The following SCML4 variants were observed in gnomAD, a reference collection of about 807,000 sequenced individuals.
SCML4 encodes the protein Scm polycomb group protein like 4.
In SCML4, 34 loss-of-function variants were observed where a neutral mutation model predicts 41.1. That is an observed-to-expected ratio of 0.83 (90% CI 0.63 to 1.10). The LOEUF (loss-of-function observed/expected upper bound fraction) is 1.10. Ranked by LOEUF, SCML4 falls within the 50% of genes least tolerant of loss-of-function variation. The pLI is 0.00. For synonymous variants in SCML4, 214 were observed against 220.9 expected, an observed-to-expected ratio of 0.97 and a Z score of 0.28; for missense variants, 522 against 534.1, an observed-to-expected ratio of 0.98 and a Z score of 0.22.
chr6:107,760,100 T>C (rs566423120), intron 2 of SCML4, among the ~76,000 whole-genome samples: 19 of 152,250 alleles, frequency 1.2e-4, no homozygotes, highest in African/African-American at 4.6e-4. Context: ...TTTGAACACA[T>C]TAAAGAATTT....
At chr6:107,756,049 C>T (rs1263255279) in intron 2 of SCML4, among the ~76,000 whole-genome samples, 1 of 152,026 alleles carries the variant, frequency 6.6e-6, no homozygotes, top group Non-Finnish European at 1.5e-5. Flanking sequence ...GTGGTTGACT[C>T]AGTAAATAAA....
At chr6:107,802,783 C>T (rs567859937) in intron 1 of SCML4, among the ~76,000 whole-genome samples, 5,380 of 149,600 alleles carry the variant, frequency 0.036, 146 homozygotes, top group South Asian at 0.057. Flanking sequence ...ACGGTCTCCC[C>T]CTGATGCCGA....
At chr6:107,782,508 G>A (rs891412434) in intron 1 of SCML4, among the ~76,000 whole-genome samples, 4 of 152,254 alleles carry the variant, frequency 2.6e-5, no homozygotes, top group South Asian at 2.1e-4. Flanking sequence ...TGTGGAGATT[G>A]CACGTGGGGC....
At chr6:107,826,892 T>A (rs1031074270), upstream of SCML4, among the ~76,000 whole-genome samples, 1 of 147,096 alleles carries the variant, frequency 6.8e-6, no homozygotes, top group Non-Finnish European at 1.5e-5. Flanking sequence ...TGAAACCCCG[T>A]CTCTACTAAA....
At chr6:107,730,473 C>T (rs1414355487) in intron 5 of SCML4, among the ~76,000 whole-genome samples, 1 of 152,236 alleles carries the variant, frequency 6.6e-6, no homozygotes, top group Non-Finnish European at 1.5e-5. Context: ...AGAATGCCAG[C>T]TTAACAAAGC....
chr6:107,758,922 G>T lies in SCML4; in HGVS notation c.157-9109C>A, dbSNP rs933126815. ...CTTGGATTTTATTCTATGAGTGATG[G>T]AAATAATTACAGGATTTTAAGCGGG... is the stretch of plus-strand genomic sequence containing the variant. On this transcript the variant is annotated intron_variant, in intron 2 of 7. Coordinates refer to ENST00000369020, the MANE Select transcript of SCML4 (RefSeq NM_198081.5). 7.0e-4 allele frequency among the ~76,000 whole-genome samples: 107 copies of T among 152,108 alleles called. 1 individual carries two copies. The highest frequency in any genetic ancestry group is 8.2e-4 in the Non-Finnish European group (56 of 68,018).
At chr6:107,751,705 A>G (rs777994936) in intron 2 of SCML4, among the ~76,000 whole-genome samples, 5 of 148,518 alleles carry the variant, frequency 3.4e-5, no homozygotes, top group Non-Finnish European at 5.9e-5. Flanking sequence ...GCACCATCTC[A>G]GCTCACTGCA....
chr6:107,835,683 T>G, the SCML4 span, among the ~76,000 whole-genome samples: 1 of 144,566 alleles, frequency 6.9e-6, no homozygotes, highest in Non-Finnish European at 1.5e-5. Flanking sequence ...GATGATCACT[T>G]GAGCCAGGAA....
chr6:107,843,274 T>C, the SCML4 span, among the ~76,000 whole-genome samples: 1 of 151,888 alleles, frequency 6.6e-6, no homozygotes, highest in East Asian at 1.9e-4. Context: ...CTGCTGAAAA[T>C]AGAAGACAGG....
chr6:107,830,213 A>G, the SCML4 span, among the ~76,000 whole-genome samples: 1 of 149,874 alleles, frequency 6.7e-6, no homozygotes, highest in African/African-American at 2.5e-5. Context: ...TGAATCAAGT[A>G]AAAAACACTC....
At chr6:107,813,425 A>ATATAT (rs1562284767) in intron 1 of SCML4, among the ~76,000 whole-genome samples, 5 of 9,848 alleles carry the variant, frequency 5.1e-4, no homozygotes, top group South Asian at 4.0e-3. Flanking sequence ...TATATATATA[A>ATATAT]AACTGTAAAA....
intron 4 of SCML4, 97 bp from the exon 5 acceptor site, chr6:107,745,240 T>C (rs943525639): frequency 7.8e-6 from 7 of 898,088 alleles, no homozygotes; most frequent in Non-Finnish European, 1.2e-5. Context: ...TCATTTTTGT[T>C]TTGTTGCTAA....
chr6:107,778,898 C>T (rs764033366), intron 1 of SCML4, among the ~76,000 whole-genome samples: 1 of 152,070 alleles, frequency 6.6e-6, no homozygotes, highest in African/African-American at 2.4e-5. Flanking sequence ...AGACACATCC[C>T]GGCCGGGCGC....
chr6:107,765,396 A>G (rs1779953808), intron 2 of SCML4, among the ~76,000 whole-genome samples: 2 of 152,216 alleles, frequency 1.3e-5, no homozygotes, highest in South Asian at 2.1e-4. Context: ...GAGTATTGCA[A>G]GTGGATTGTT....
At chr6:107,705,444 G>T in intron 7 of SCML4, 119 bp from the exon 8 acceptor site, 2 of 876,744 alleles carry the variant, frequency 2.3e-6, no homozygotes, top group Non-Finnish European at 3.4e-6. Context: ...GATTTAGGCA[G>T]CATATTCTCT....
rs575622324 is a variant in SCML4, at chr6:107,793,126, G to A, written c.-59-20740C>T. Among the ~76,000 whole-genome samples the A allele has an allele frequency of 2.8e-4, 42 of 152,226 alleles. 1 individual carries two copies. In the South Asian group the frequency reaches 7.1e-3, roughly 26 times the overall value. On this transcript the variant is annotated intron_variant, in intron 1 of 7. Transcript: ENST00000369020. ...CACAAGGTGGAGGCACAATGTGGTC[G>A]GCAGCCCCCAGAAATGACCCCCAAT...
Position 107,803,224 on chromosome 6 carries a change from C to T in SCML4, c.-60+20902G>A, listed in dbSNP as rs186071474. On this transcript the variant is annotated intron_variant, in intron 1 of 7. Coordinates refer to ENST00000369020, the MANE Select transcript of SCML4 (RefSeq NM_198081.5). ...CGCCCATCGTCTGAGATGTGGGGAG[C>T]GCCTCTGCCCGGCCGCCCTGTCTGA... Among the ~76,000 whole-genome samples, 274 of 125,610 alleles carry T rather than the reference C, an allele frequency of 2.2e-3. 9 individuals are homozygous for T. Among genetic ancestry groups the T allele is most frequent in the African/African-American group, 0.01 (259 of 25,440 alleles). 82.4% of individuals were successfully genotyped at this position (125,610 alleles called of 152,430 possible).
chr6:107,826,496 A>C (rs1420136531), upstream of SCML4, among the ~76,000 whole-genome samples: 1 of 152,166 alleles, frequency 6.6e-6, no homozygotes, highest in Non-Finnish European at 1.5e-5. Context: ...GTTTCTTAGG[A>C]TTAAAAAAAA....
intron 1 of SCML4, among the ~76,000 whole-genome samples, chr6:107,811,764 T>C (rs1367675338): frequency 2.6e-5 from 4 of 152,010 alleles, no homozygotes; most frequent in African/African-American, 9.7e-5. Flanking sequence ...GAGTGCGCAG[T>C]GGGGAAGTGA....
Sources: gnomAD v4.1 joint callset for allele counts (sites outside exome capture counted in the v4.1 genomes callset) on GRCh38, gnomAD v4.1.1 for gene constraint, MANE v1.5 for transcripts, NCBI Gene and HGNC (gene_info 2026-07-23, HGNC 2026-07-21) for gene names.